Variants in KHDRBS2 observed in about 807,000 individuals in gnomAD.
KHDRBS2 encodes KH domain-containing, RNA-binding, signal transduction-associated protein 2.
Under a neutral mutation model 44.3 loss-of-function variants are expected in KHDRBS2, and 26 were observed. That is an observed-to-expected ratio of 0.59 (90% confidence interval 0.43 to 0.81). The LOEUF (loss-of-function observed/expected upper bound fraction) is 0.81. KHDRBS2 is among the 40% of genes least tolerant of loss of function. The pLI is 0.00. For missense variants in KHDRBS2, 476 were observed against 433.1 expected (o/e 1.10, Z -0.88); for synonymous variants, 194 against 151.1 (o/e 1.28, Z -2.08).
intron 2 of KHDRBS2, among the ~76,000 whole-genome samples, chr6:62,123,813 T>C (rs1354102543): frequency 6.6e-6 from 1 of 152,228 alleles, no homozygotes; most frequent in Non-Finnish European, 1.5e-5. Context: ...CTGGGACCTG[T>C]GGACACTTAT....
intron 6 of KHDRBS2, among the ~76,000 whole-genome samples, chr6:61,742,235 A>C (rs189093814): frequency 3.3e-4 from 50 of 152,096 alleles, no homozygotes; most frequent in African/African-American, 1.1e-3. Context: ...AAGTGTGGTT[A>C]ATTCTTAAAA....
chr6:61,571,804 A>C, the KHDRBS2 span, among the ~76,000 whole-genome samples: 2 of 152,078 alleles, frequency 1.3e-5, no homozygotes, highest in African/African-American at 4.8e-5. Flanking sequence ...GGGAGACAGC[A>C]TACATTGTAC....
At chr6:61,612,735 A>G in the KHDRBS2 span, among the ~76,000 whole-genome samples, 1 of 152,016 alleles carries the variant, frequency 6.6e-6, no homozygotes, top group Non-Finnish European at 1.5e-5. Flanking sequence ...TGCCCAAGTC[A>G]TCAACCAATA....
chr6:62,175,830 G>A (rs1239573914), intron 2 of KHDRBS2, among the ~76,000 whole-genome samples: 3 of 151,366 alleles, frequency 2.0e-5, no homozygotes, highest in Non-Finnish European at 3.0e-5. Context: ...CCACTCATAT[G>A]GGAACTTAAA....
At chr6:61,755,749 G>A (rs1448704758) in intron 6 of KHDRBS2, among the ~76,000 whole-genome samples, 2 of 147,864 alleles carry the variant, frequency 1.4e-5, no homozygotes, top group Admixed American at 6.9e-5. Context: ...GCAGTGAGCC[G>A]AGATAAGGCC....
At chr6:61,982,239 T>C (rs1177409086) in intron 3 of KHDRBS2, among the ~76,000 whole-genome samples, 7 of 151,952 alleles carry the variant, frequency 4.6e-5, no homozygotes, top group Non-Finnish European at 8.8e-5. Context: ...CTTACTCTGA[T>C]GCTTTCCTGA....
In KHDRBS2 at chr6:61,780,463, C is replaced by T. The variant is rs962012507; in HGVS notation, c.811-47699G>A. On this transcript the variant is annotated intron_variant, in intron 6 of 8. Transcript: ENST00000281156. ...TGCAAATCACACCAGTACACTTCAG[C>T]CTGGGCGACAGAGCCAGACTCTTTC... Among the ~76,000 whole-genome samples the T allele has an allele frequency of 5.3e-5, 8 of 152,126 alleles. 1 individual carries two copies. In the East Asian group the frequency reaches 1.4e-3, roughly 26 times the overall value.
chr6:61,801,064 G>C (rs1217573219), intron 6 of KHDRBS2, among the ~76,000 whole-genome samples: 1 of 152,118 alleles, frequency 6.6e-6, no homozygotes, highest in African/African-American at 2.4e-5. Flanking sequence ...AATAACAACA[G>C]TTATTATAAT....
intron 6 of KHDRBS2, among the ~76,000 whole-genome samples, chr6:61,793,600 A>C (rs9445186): frequency 0.028 from 4,334 of 152,120 alleles, 225 homozygotes; most frequent in African/African-American, 0.1. Flanking sequence ...AATACTGAAA[A>C]TTTTTAATAT....
chr6:62,252,371 C>T (rs1172839694), intron 1 of KHDRBS2, among the ~76,000 whole-genome samples: 1 of 151,902 alleles, frequency 6.6e-6, no homozygotes, highest in Non-Finnish European at 1.5e-5. Flanking sequence ...TAACACCTTT[C>T]CTGACTATTT....
intron 2 of KHDRBS2, among the ~76,000 whole-genome samples, chr6:62,068,671 T>C (rs571416899): frequency 5.3e-5 from 8 of 151,630 alleles, no homozygotes; most frequent in Non-Finnish European, 1.0e-4. Context: ...TTAGTTTTGG[T>C]GCATGGTGTG....
chr6:62,125,204 G>A (rs1808666801), intron 2 of KHDRBS2, among the ~76,000 whole-genome samples: 1 of 152,174 alleles, frequency 6.6e-6, no homozygotes, highest in Non-Finnish European at 1.5e-5. Context: ...GAAAATCTGT[G>A]TGCTTGCGAG....
At position 61,681,026 on chromosome 6, in the gene KHDRBS2, C is replaced by G; in HGVS notation, c.987G>C (p.Leu329Phe). 1 of 1,611,792 alleles carries G rather than the reference C, an allele frequency of 6.2e-7. No homozygotes were observed. Among genetic ancestry groups the G allele is most frequent in the Non-Finnish European group, 8.5e-7 (1 of 1,178,616 alleles). The change falls in exon 9 of 9, where the codon TTG becomes TTC. Residue 329 changes from leucine to phenylalanine, a missense_variant. Leu to Phe is a conservative substitution (Grantham distance 22). Coordinates refer to ENST00000281156, the MANE Select transcript of KHDRBS2 (RefSeq NM_152688.4). ...PEEWATTRSS[L>F]KAPPQRSARG... ...TGGCTGACCTTTGCGGTGGTGCCTT[C>G]AAGCTAGAGCGGGTTGTGGCCCATT...
chr6:61,955,178 A>G (rs568687534), intron 4 of KHDRBS2, among the ~76,000 whole-genome samples: 74 of 145,548 alleles, frequency 5.1e-4, no homozygotes, highest in African/African-American at 1.8e-3. Context: ...ATGTGTATAT[A>G]CACATACGTT....
chr6:61,762,611 C>T (rs1779441136), intron 6 of KHDRBS2, among the ~76,000 whole-genome samples: 1 of 152,176 alleles, frequency 6.6e-6, no homozygotes, highest in South Asian at 2.1e-4. Context: ...ACACCTTGTA[C>T]CGTGATTGGA....
At chr6:61,958,657 T>A (rs1030364187) in intron 4 of KHDRBS2, among the ~76,000 whole-genome samples, 7 of 152,218 alleles carry the variant, frequency 4.6e-5, no homozygotes, top group Non-Finnish European at 1.0e-4. Flanking sequence ...GAGCCTTGTT[T>A]ACAGAATTGT....
intron 1 of KHDRBS2, among the ~76,000 whole-genome samples, chr6:62,246,174 C>T (rs1373878423): frequency 2.1e-5 from 3 of 142,314 alleles, no homozygotes; most frequent in Admixed American, 1.5e-4. Context: ...TAGTGCTAAC[C>T]TTGTTTTATC....
intron 6 of KHDRBS2, among the ~76,000 whole-genome samples, chr6:61,746,914 A>G (rs1776939296): frequency 6.6e-6 from 1 of 152,160 alleles, no homozygotes; most frequent in Admixed American, 6.5e-5. Context: ...TGCACAGCAA[A>G]AGAAACTACC....
At chr6:61,826,107 A>C (rs1790816083) in intron 6 of KHDRBS2, among the ~76,000 whole-genome samples, 1 of 151,980 alleles carries the variant, frequency 6.6e-6, no homozygotes, top group South Asian at 2.1e-4. Context: ...TTTTCCCCTA[A>C]ATTATTTTAG....
Sources: allele counts gnomAD v4.1 joint callset (sites outside exome capture counted in the v4.1 genomes callset), GRCh38; gene constraint gnomAD v4.1.1; transcripts MANE v1.5; gene names NCBI Gene and HGNC (gene_info 2026-07-23, HGNC 2026-07-21).